Variants in SIN3A observed in about 807,000 individuals in gnomAD.
SIN3A encodes SIN3 transcription regulator family member A, also known as paired amphipathic helix protein Sin3a.
A neutral mutation model predicts 146.1 loss-of-function variants in SIN3A; 14 were observed. The ratio of observed to expected loss-of-function variants is 0.10; its 90% CI spans 0.06 to 0.15. The LOEUF (loss-of-function observed/expected upper bound fraction) is 0.15. SIN3A is among the 10% of genes least tolerant of loss of function. The pLI, the probability that SIN3A is intolerant of heterozygous loss-of-function variation, is 1.00. For synonymous variants in SIN3A, 572 were observed against 572.0 expected (o/e 1.00, Z 0.00); for missense variants, 1,028 against 1,576.0 (o/e 0.65, Z 5.89).
At position 75,371,154 on chromosome 15, in the gene SIN3A, TTC is replaced by T. The variant is rs2072744269; in HGVS notation, c.*823_*824del. On this transcript the variant is annotated 3_prime_UTR_variant, in exon 21 of 21. Coordinates refer to ENST00000394947, the MANE Select transcript of SIN3A (RefSeq NM_001145358.2). ...GTTATGCTAGCACATCAAAGCATAT[TTC>T]TTTTAATAAAAAATTGACAGTATGT... The T allele has an allele frequency of 6.6e-6, 1 of 152,620 alleles. No homozygotes were observed. The highest frequency in any genetic ancestry group is 2.4e-5 in the African/African-American group (1 of 41,442). The allele number at this position is 152,620 out of a possible 1,614,324, so 9.5% of individuals were successfully genotyped here. A position where few individuals can be genotyped will look rare whatever the true frequency, so the allele number is the denominator to read the frequency against.
Position 75,372,043 on chromosome 15 carries a change from G to GT in SIN3A, c.3757dup (p.Thr1253AsnfsTer8). 1 of 1,614,152 alleles carries GT rather than the reference G, an allele frequency of 6.2e-7. No homozygotes were observed. The highest frequency in any genetic ancestry group is 8.5e-7 in the Non-Finnish European group (1 of 1,180,030). On this transcript the variant is annotated frameshift_variant, in exon 21 of 21. Coordinates refer to ENST00000394947, the MANE Select transcript of SIN3A (RefSeq NM_001145358.2). LOFTEE classifies it high-confidence loss of function. ...CTTGTTAATGCTCACAAAATGCAGG[G>GT]TCTCTGTATCACAGGTGGTGGTACA... is the stretch of plus-strand genomic sequence containing the variant.
At chr15:75,401,999 T>G in intron 9 of SIN3A, 29 bp from the exon 10 acceptor site, 1 of 1,435,474 alleles carries the variant, frequency 7.0e-7, no homozygotes, top group South Asian at 1.2e-5. Context: ...AGAAAAACAG[T>G]TTTTGTTTTT....
intron 9 of SIN3A, among the ~76,000 whole-genome samples, chr15:75,406,158 G>A (rs1473080563): frequency 6.6e-6 from 1 of 152,188 alleles, no homozygotes; most frequent in African/African-American, 2.4e-5. Flanking sequence ...AGCCCAACAG[G>A]TGCCAGCTAC....
intron 1 of SIN3A, among the ~76,000 whole-genome samples, chr15:75,432,355 A>T (rs188933324): frequency 3.3e-5 from 5 of 152,204 alleles, no homozygotes; most frequent in African/African-American, 1.2e-4. Context: ...CTGATGCTTA[A>T]CTCATCGGAG....
intron 1 of SIN3A, among the ~76,000 whole-genome samples, chr15:75,439,465 C>T (rs1424608349): frequency 6.6e-6 from 1 of 152,056 alleles, no homozygotes; most frequent in African/African-American, 2.4e-5. Flanking sequence ...CTCAGCCTCC[C>T]AAGTAACTGG....
At position 75,392,336 on chromosome 15, in the gene SIN3A, T is replaced by G. The variant is rs200048584; in HGVS notation, c.2757A>C (p.Glu919Asp). ...GTTCCCATTCTCTCTCTCGGTTTTCTTCTTCAATTTGCCGTTCGGCTTGGG... is the reference window on the plus strand; with the variant it reads ...GTTCCCATTCTCTCTCTCGGTTTTCGTCTTCAATTTGCCGTTCGGCTTGGG... ...ICSQAERQIEEENREREWERE... is the reference protein window; with the variant it reads ...ICSQAERQIEDENREREWERE... The change falls in exon 15 of 21, where the codon GAA (glutamate) becomes GAC (aspartate). Residue 919 changes from glutamate (E) to aspartate (D), a missense_variant. Transcript: ENST00000394947. 8 of 1,614,262 alleles carry G rather than the reference T, an allele frequency of 5.0e-6. No homozygotes were observed. The highest frequency in any genetic ancestry group is 1.7e-5 in the Admixed American group (1 of 60,030).
intron 4 of SIN3A, 88 bp from the exon 5 acceptor site, chr15:75,413,133 G>A: frequency 7.4e-7 from 1 of 1,351,126 alleles, no homozygotes; most frequent in Non-Finnish European, 1.0e-6. Flanking sequence ...TTTCTTTTGA[G>A]ACGGAGTCTC....
At position 75,389,469 on chromosome 15, in the gene SIN3A, TCATACACTGCAACTTTGTTAA is replaced by T. The variant is rs1233628004; in HGVS notation, c.3021+162_3021+182del. On this transcript the variant is annotated intron_variant, in intron 16 of 20. Transcript: ENST00000394947. Reference sequence around the variant, plus strand: ...AAGAAAGGATATGGGGTAGGCAGGCTCATACACTGCAACTTTGTTAACATGAGAAATCAGGCATCACATTAA... The same window carrying T: ...AAGAAAGGATATGGGGTAGGCAGGCTCATGAGAAATCAGGCATCACATTAA... Among the ~76,000 whole-genome samples the T allele has an allele frequency of 1.3e-4, 20 of 152,272 alleles. No individual in the cohort carries two copies. In the East Asian group the frequency reaches 3.3e-3, roughly 25 times the overall value.
intron 1 of SIN3A, among the ~76,000 whole-genome samples, chr15:75,450,373 A>C (rs1417592868): frequency 6.6e-6 from 1 of 152,148 alleles, no homozygotes; most frequent in Non-Finnish European, 1.5e-5. Flanking sequence ...CATTGGCTCA[A>C]AGGAAGCCCC....
At chr15:75,446,734 C>T (rs2074314119) in intron 1 of SIN3A, among the ~76,000 whole-genome samples, 1 of 152,040 alleles carries the variant, frequency 6.6e-6, no homozygotes, top group Non-Finnish European at 1.5e-5. Context: ...TCAAACGATC[C>T]TCCCACTTGA....
At chr15:75,429,823 G>C (rs927861740) in intron 2 of SIN3A, among the ~76,000 whole-genome samples, 1 of 152,146 alleles carries the variant, frequency 6.6e-6, no homozygotes. Flanking sequence ...TTAAAACAAA[G>C]TGAGTCAAAG....
intron 12 of SIN3A, among the ~76,000 whole-genome samples, chr15:75,397,773 C>A (rs571203299): frequency 1.5e-4 from 23 of 152,290 alleles, no homozygotes; most frequent in Middle Eastern, 3.4e-3. Flanking sequence ...AATGAAGTTG[C>A]CTCTCATTTG....
rs2072761377 is a variant in SIN3A at position 75,372,075 on chromosome 15, C to T, written c.3726G>A (p.Leu1242=). 6.2e-7 allele frequency: 1 copy of T among 1,614,166 alleles called. No homozygotes were observed. Among genetic ancestry groups the T allele is most frequent in the Non-Finnish European group, 8.5e-7 (1 of 1,180,022 alleles). ...TATCACAGGTGGTGGTACAGGGCAC[C>T]AGGCCCTCCAGCCCCTCACCCATGA... is the stretch of plus-strand genomic sequence containing the variant. The part of the protein sequence containing the change: ...KWLMGEGLEG[L]VPCTTTCDTE... Residue 1242 remains leucine (L), a synonymous_variant, in exon 21 of 21, where the codon CTG becomes CTA. Coordinates refer to ENST00000394947, the MANE Select transcript of SIN3A (RefSeq NM_001145358.2).
chr15:75,424,937 G>C (rs896806723), intron 2 of SIN3A, among the ~76,000 whole-genome samples: 2 of 151,918 alleles, frequency 1.3e-5, no homozygotes, highest in African/African-American at 4.8e-5. Context: ...GGATATATTT[G>C]AATCTGAAAA....
intron 1 of SIN3A, among the ~76,000 whole-genome samples, chr15:75,434,518 T>C (rs2074068665): frequency 6.6e-6 from 1 of 151,824 alleles, no homozygotes; most frequent in African/African-American, 2.4e-5. Context: ...GGTGTGGTTG[T>C]GGGCGCCTGT....
Position 75,422,766 on chromosome 15 carries a change from T to C in SIN3A, c.247A>G (p.Ser83Gly). ...ACCGCTGTTGGGTGATGATGGCTGC[T>C]ATGAACTGCTGCTATAGCGGGCCCA... ...SHGPAIAAVH[S>G]SHHHPTAVQP... The change falls in exon 3 of 21, where the codon AGC becomes GGC. Residue 83 changes from serine to glycine, a missense_variant. This residue lies in a region of SIN3A where 152 missense variants were observed against 231.5 expected (regional missense o/e 0.66). Coordinates refer to ENST00000394947, the MANE Select transcript of SIN3A (RefSeq NM_001145358.2). 1 of 1,614,226 alleles carries C rather than the reference T, an allele frequency of 6.2e-7. No individual in the cohort carries two copies.
At chr15:75,426,588 A>G (rs762074107) in intron 2 of SIN3A, among the ~76,000 whole-genome samples, 1 of 152,298 alleles carries the variant, frequency 6.6e-6, no homozygotes, top group Non-Finnish European at 1.5e-5. Context: ...AAATGAAAAG[A>G]GCAAACAGCA....
intron 1 of SIN3A, among the ~76,000 whole-genome samples, chr15:75,445,347 C>G (rs918873307): frequency 7.7e-6 from 1 of 129,106 alleles, no homozygotes; most frequent in Non-Finnish European, 1.5e-5. Context: ...CGCTACTGTA[C>G]TCCAGCCTGG....
intron 16 of SIN3A, among the ~76,000 whole-genome samples, chr15:75,389,216 T>C (rs2073149719): frequency 6.6e-6 from 1 of 151,988 alleles, no homozygotes; most frequent in African/African-American, 2.4e-5. Context: ...ATCCCAGCGC[T>C]TTAAGAGGCC....
Sources: gnomAD v4.1 joint callset for allele counts (sites outside exome capture counted in the v4.1 genomes callset) on GRCh38, gnomAD v4.1.1 for gene constraint, gnomAD v4.1.1 regional missense constraint, MANE v1.5 for transcripts, NCBI Gene and HGNC (gene_info 2026-07-23, HGNC 2026-07-21) for gene names.